ENAH: variants seen among roughly 807,000 people sequenced by gnomAD.
ENAH encodes ENAH actin regulator.
Under a neutral mutation model 78.7 loss-of-function variants are expected in ENAH, and 23 were observed. The observed-to-expected ratio is 0.29, with a 90% CI of 0.21 to 0.41. The LOEUF (loss-of-function observed/expected upper bound fraction) is 0.41, where lower values mean the gene tolerates loss of function less well. ENAH is among the 10% of genes least tolerant of loss of function. The pLI is 1.00. For missense variants in ENAH, 544 were observed against 691.0 expected, an observed-to-expected ratio of 0.79 and a Z score of 2.39; for synonymous variants, 226 against 241.0, an observed-to-expected ratio of 0.94 and a Z score of 0.58.
In ENAH at chr1:225,488,977, G is replaced by A. The variant is rs1558680920; in HGVS notation, c.*8798C>T. On this transcript the variant is annotated 3_prime_UTR_variant, in exon 14 of 14. Coordinates refer to ENST00000366843, the MANE Select transcript of ENAH (RefSeq NM_018212.6). Reference sequence around the variant, plus strand: ...ATGGATATAGATGGATAAGATGGAAGATATAAAATAAGAAGGGCAGGAGGG... The same window carrying A: ...ATGGATATAGATGGATAAGATGGAAAATATAAAATAAGAAGGGCAGGAGGG... 6.6e-6 allele frequency: 1 copy of A among 152,212 alleles called. No homozygotes were observed. The highest frequency in any genetic ancestry group is 1.5e-5 in the Non-Finnish European group (1 of 68,038). 9.4% of individuals were successfully genotyped at this position (152,212 alleles called of 1,614,324 possible). A position where few individuals can be genotyped will look rare whatever the true frequency, so the allele number is the denominator to read the frequency against.
chr1:225,648,121 G>C (rs1219702007), intron 1 of ENAH, among the ~76,000 whole-genome samples: 2 of 152,108 alleles, frequency 1.3e-5, no homozygotes, highest in Non-Finnish European at 2.9e-5. Context: ...ATCTGAAGAA[G>C]CATCCACTGA....
intron 2 of ENAH, among the ~76,000 whole-genome samples, chr1:225,562,571 C>CAAAAAAAAAAAAA (rs869309795): frequency 2.6e-5 from 1 of 38,096 alleles, no homozygotes; most frequent in African/African-American, 1.0e-4. Flanking sequence ...GACTGCGTCT[C>CAAAAAAAAAAAAA]AAAAAAAAAA....
chr1:225,509,573 C>T (rs2096360901), intron 10 of ENAH, among the ~76,000 whole-genome samples: 1 of 152,088 alleles, frequency 6.6e-6, no homozygotes, highest in African/African-American at 2.4e-5. Context: ...TATAGAGCTT[C>T]CTAATTGGTC....
chr1:225,613,090 C>T (rs1240884031), intron 1 of ENAH, among the ~76,000 whole-genome samples: 3 of 152,158 alleles, frequency 2.0e-5, no homozygotes, highest in Non-Finnish European at 2.9e-5. Context: ...TATTTTCTTC[C>T]TACTTTCTGT....
At chr1:225,532,577 A>G (rs778938089) in intron 3 of ENAH, among the ~76,000 whole-genome samples, 5 of 152,132 alleles carry the variant, frequency 3.3e-5, no homozygotes, top group Admixed American at 6.6e-5. Flanking sequence ...ATTCAAATAT[A>G]TAGATTCAAA....
intron 3 of ENAH, among the ~76,000 whole-genome samples, chr1:225,542,010 A>G (rs1262468690): frequency 6.6e-6 from 1 of 152,168 alleles, no homozygotes; most frequent in East Asian, 1.9e-4. Flanking sequence ...TCTCTTGAGT[A>G]TCTGGGACTA....
At chr1:225,625,066 C>T (rs1010086689) in intron 1 of ENAH, among the ~76,000 whole-genome samples, 1 of 152,276 alleles carries the variant, frequency 6.6e-6, no homozygotes, top group Middle Eastern at 3.4e-3. Flanking sequence ...TCACACATAA[C>T]CTGTTCCTGA....
At chr1:225,616,895 T>G (rs1460059439) in intron 1 of ENAH, among the ~76,000 whole-genome samples, 1 of 150,618 alleles carries the variant, frequency 6.6e-6, no homozygotes, top group Non-Finnish European at 1.5e-5. Context: ...AGGTCAGGAG[T>G]TCAAGACCAG....
At chr1:225,560,567 C>T (rs748801513) in intron 2 of ENAH, among the ~76,000 whole-genome samples, 5 of 152,066 alleles carry the variant, frequency 3.3e-5, no homozygotes, top group Non-Finnish European at 4.4e-5. Context: ...TCATGGGACA[C>T]GACAGTCTTG....
chr1:225,497,118 A>T lies in ENAH; in HGVS notation c.*657T>A, dbSNP rs184404375. ...CTGGACAAATTTTATGTTTTAATCTACAAAATTGCATGAAGGCTAACTCGA... is the reference window on the plus strand; with the variant it reads ...CTGGACAAATTTTATGTTTTAATCTTCAAAATTGCATGAAGGCTAACTCGA... On this transcript the variant is annotated 3_prime_UTR_variant, in exon 14 of 14. Transcript: ENST00000366843. 52 of 152,764 alleles carry T rather than the reference A, an allele frequency of 3.4e-4. No homozygotes were observed. Among genetic ancestry groups the T allele is most frequent in the Admixed American group, 3.9e-4 (6 of 15,294 alleles). The allele number at this position is 152,764 out of a possible 1,614,324, so 9.5% of individuals were successfully genotyped here.
At chr1:225,581,509 T>C (rs2096817612) in intron 1 of ENAH, among the ~76,000 whole-genome samples, 1 of 152,034 alleles carries the variant, frequency 6.6e-6, no homozygotes, top group Non-Finnish European at 1.5e-5. Flanking sequence ...TTTCAATGAA[T>C]GAATAGTGTC....
At chr1:225,523,719 T>C (rs771509138) in intron 4 of ENAH, among the ~76,000 whole-genome samples, 1 of 152,170 alleles carries the variant, frequency 6.6e-6, no homozygotes, top group African/African-American at 2.4e-5. Flanking sequence ...CCCACCTAAA[T>C]TGGATGGTTT....
chr1:225,572,130 C>T (rs184990577), intron 1 of ENAH, among the ~76,000 whole-genome samples: 154 of 152,148 alleles, frequency 1.0e-3, no homozygotes, highest in Admixed American at 9.5e-3. Context: ...ATGGGGTCTA[C>T]GTTAACTCTG....
At chr1:225,605,153 T>G (rs762911133) in intron 1 of ENAH, among the ~76,000 whole-genome samples, 1 of 152,190 alleles carries the variant, frequency 6.6e-6, no homozygotes, top group Non-Finnish European at 1.5e-5. Context: ...CAATTGTAGA[T>G]TGAATCTTAA....
rs537797201 is a variant in ENAH at position 225,584,272 on chromosome 1, C to G, written c.6-16858G>C. Among the ~76,000 whole-genome samples, 112 of 152,242 alleles carry G rather than the reference C, an allele frequency of 7.4e-4. 1 individual carries two copies. The highest frequency in any genetic ancestry group is 2.5e-3 in the African/African-American group (105 of 41,536). On this transcript the variant is annotated intron_variant, in intron 1 of 13. Transcript: ENST00000366843. ...GCAGATAGGATATATCAGACAAATA[C>G]AGCAAAACAAACTGGGGGGAACAAA...
chr1:225,531,096 C>T (rs1295941111), intron 3 of ENAH: 2 of 398,522 alleles, frequency 5.0e-6, no homozygotes, highest in Non-Finnish European at 4.4e-6. Context: ...AGCATGAGAA[C>T]CTTATTACTA....
intron 1 of ENAH, among the ~76,000 whole-genome samples, chr1:225,604,638 AAAAAAT>A (rs1370253907): frequency 5.4e-5 from 8 of 149,508 alleles, no homozygotes; most frequent in South Asian, 2.1e-4. Context: ...AAAAAAAAAA[AAAAAAT>A]TAGCCAGGCA....
chr1:225,611,382 G>A (rs1422885099), intron 1 of ENAH, among the ~76,000 whole-genome samples: 11 of 151,996 alleles, frequency 7.2e-5, no homozygotes, highest in East Asian at 5.8e-4. Context: ...GCAGTGGCGC[G>A]ATCTCTGGTC....
At chr1:225,639,000 T>G (rs1355172438) in intron 1 of ENAH, among the ~76,000 whole-genome samples, 1 of 152,240 alleles carries the variant, frequency 6.6e-6, no homozygotes, top group East Asian at 1.9e-4. Context: ...AGCCTCTATG[T>G]CAGGCCATTT....
Sources: gnomAD v4.1 joint callset for allele counts (sites outside exome capture counted in the v4.1 genomes callset) on GRCh38, gnomAD v4.1.1 for gene constraint, MANE v1.5 for transcripts, NCBI Gene and HGNC (gene_info 2026-07-23, HGNC 2026-07-21) for gene names.